The following KIAA1671 variants were observed in gnomAD, a reference collection of about 807,000 sequenced individuals.
KIAA1671 encodes uncharacterized protein KIAA1671.
A neutral mutation model predicts 131.2 loss-of-function variants in KIAA1671; 52 were observed. That is an observed-to-expected ratio of 0.40 (90% CI 0.32 to 0.50). KIAA1671 has a LOEUF of 0.50. KIAA1671 is among the 20% of genes least tolerant of loss of function. The pLI is 0.73. For synonymous variants in KIAA1671, 1,003 were observed against 961.6 expected (o/e 1.04, Z -0.80); for missense variants, 2,360 against 2,364.2 (o/e 1.00, Z 0.04).
At position 25,028,905 on chromosome 22, in the gene KIAA1671, C is replaced by T. The variant is rs1182111401; in HGVS notation, c.906C>T (p.Ala302=). 1.9e-6 allele frequency: 3 copies of T among 1,551,530 alleles called. No homozygotes were observed. The highest frequency in any genetic ancestry group is 1.2e-5 in the South Asian group (1 of 83,996). ...ENKEALLRKV[A]DEGSGPTAGD... ...AAGAGGCCTTGCTGAGGAAGGTGGC[C>T]GATGAAGGAAGTGGACCCACAGCAG... is the stretch of plus-strand genomic sequence containing the variant. The change falls in exon 3 of 13, where the codon GCC becomes GCT. Residue 302 remains alanine, a synonymous_variant. Transcript: ENST00000358431.
chr22:25,118,565 A>G (rs1422791585), intron 6 of KIAA1671, among the ~76,000 whole-genome samples: 1 of 152,122 alleles, frequency 6.6e-6, no homozygotes, highest in African/African-American at 2.4e-5. Flanking sequence ...TGCTGGGATT[A>G]CAGACGTGAG....
chr22:24,978,294 C>T (rs1319202274), intron 1 of KIAA1671, among the ~76,000 whole-genome samples: 1 of 152,148 alleles, frequency 6.6e-6, no homozygotes, highest in Non-Finnish European at 1.5e-5. Context: ...GGTGTTTCTG[C>T]TTTTGCCTCT....
At chr22:25,108,258 G>C (rs1931133031) in intron 6 of KIAA1671, among the ~76,000 whole-genome samples, 1 of 152,112 alleles carries the variant, frequency 6.6e-6, no homozygotes, top group Admixed American at 6.6e-5. Context: ...TCCTCCTGAG[G>C]ACCCCAGTGG....
At chr22:25,066,445 G>A (rs766248650) in intron 6 of KIAA1671, among the ~76,000 whole-genome samples, 4 of 152,158 alleles carry the variant, frequency 2.6e-5, no homozygotes, top group Non-Finnish European at 5.9e-5. Flanking sequence ...CACCATGCCT[G>A]ACCTCAAGCC....
At chr22:25,191,040 G>T (rs906435888) in intron 12 of KIAA1671, among the ~76,000 whole-genome samples, 1 of 152,092 alleles carries the variant, frequency 6.6e-6, no homozygotes, top group South Asian at 2.1e-4. Context: ...GGTGACTGGG[G>T]CTCTGGTCTC....
intron 6 of KIAA1671, among the ~76,000 whole-genome samples, chr22:25,091,590 T>A (rs1930032695): frequency 6.6e-6 from 1 of 152,180 alleles, no homozygotes; most frequent in Non-Finnish European, 1.5e-5. Flanking sequence ...AACATTTCCT[T>A]TAGAAATTTC....
intron 6 of KIAA1671, chr22:25,103,000 G>C (rs1302648773): frequency 3.3e-5 from 5 of 152,548 alleles, no homozygotes; most frequent in African/African-American, 9.7e-5. Context: ...TTGTCTCCAG[G>C]CCAGTCGACA....
Position 25,086,645 on chromosome 22 carries a change from C to G in KIAA1671, c.4530+37281C>G, listed in dbSNP as rs1389368104. Among the ~76,000 whole-genome samples the G allele has an allele frequency of 4.6e-5, 7 of 152,164 alleles. No homozygotes were observed. The East Asian group carries it at 5.8e-4, about 13-fold the overall frequency. Reference sequence around the variant, plus strand: ...CTCGCCCATCTCCATCTGCCCCGTCCCATCCACCCAACCCCACTGCAGACT... The same window carrying G: ...CTCGCCCATCTCCATCTGCCCCGTCGCATCCACCCAACCCCACTGCAGACT... On this transcript the variant is annotated intron_variant, in intron 6 of 12. Transcript: ENST00000358431.
intron 6 of KIAA1671, among the ~76,000 whole-genome samples, chr22:25,116,952 C>T (rs183540011): frequency 1.3e-5 from 2 of 152,282 alleles, no homozygotes; most frequent in East Asian, 1.9e-4. Context: ...AGTTTCTCAG[C>T]CTCAGCTCTA....
intron 1 of KIAA1671, among the ~76,000 whole-genome samples, chr22:24,956,024 CA>C (rs1167493018): frequency 9.1e-3 from 471 of 51,892 alleles, no homozygotes; most frequent in African/African-American, 0.025. Context: ...GACTCCGTCT[CA>C]AAAAAAAAAA....
chr22:25,149,507 C>G (rs1381411174), intron 6 of KIAA1671, among the ~76,000 whole-genome samples: 1 of 152,192 alleles, frequency 6.6e-6, no homozygotes, highest in Non-Finnish European at 1.5e-5. Flanking sequence ...TAGAGCTCTC[C>G]TTCCTGCCCT....
At chr22:25,043,070 G>C (rs1927035993) in intron 5 of KIAA1671, among the ~76,000 whole-genome samples, 1 of 134,536 alleles carries the variant, frequency 7.4e-6, no homozygotes, top group Non-Finnish European at 1.5e-5. Flanking sequence ...CCTTTGTTCA[G>C]TGAAGAACAG....
chr22:25,124,252 G>T (rs12160424), intron 6 of KIAA1671, among the ~76,000 whole-genome samples: 1 of 152,228 alleles, frequency 6.6e-6, no homozygotes, highest in African/African-American at 2.4e-5. Context: ...AGCAGCGACC[G>T]CTATGCAGAG....
intron 6 of KIAA1671, among the ~76,000 whole-genome samples, chr22:25,128,541 G>A (rs917376620): frequency 6.6e-6 from 1 of 152,166 alleles, no homozygotes; most frequent in African/African-American, 2.4e-5. Flanking sequence ...GACTACAGAA[G>A]ACTGTGGGTC....
At chr22:25,051,584 T>A (rs2145822492) in intron 6 of KIAA1671, 1 of 152,438 alleles carries the variant, frequency 6.6e-6, no homozygotes, top group East Asian at 1.9e-4. Context: ...TACTTTCCCT[T>A]CCCTTTCTCA....
intron 11 of KIAA1671, among the ~76,000 whole-genome samples, chr22:25,189,466 C>G (rs929238325): frequency 6.6e-6 from 1 of 151,956 alleles, no homozygotes; most frequent in African/African-American, 2.4e-5. Context: ...AGCCACCGTG[C>G]CTGGCGAGGC....
intron 8 of KIAA1671, chr22:25,177,009 T>C (rs948512406): frequency 7.3e-6 from 2 of 274,882 alleles, no homozygotes; most frequent in Non-Finnish European, 6.9e-6. Flanking sequence ...TGTGTACTGA[T>C]CATTGCTGTA....
intron 3 of KIAA1671, among the ~76,000 whole-genome samples, chr22:25,031,193 ATTTTTTTTTTT>A (rs58221822): frequency 1.8e-5 from 2 of 113,346 alleles, no homozygotes; most frequent in South Asian, 3.1e-4. Flanking sequence ...CACCCAGCTA[ATTTTTTTTTTT>A]TTTTTTTTTT....
chr22:25,028,985 G>C lies in KIAA1671; in HGVS notation c.986G>C (p.Cys329Ser). The change falls in exon 3 of 13, where the codon TGT becomes TCT. Residue 329 changes from cysteine to serine, a missense_variant. Around this residue, in one of 3 missense-constraint regions of KIAA1671, gnomAD observed 1,185 missense variants for 1,126.2 expected, o/e 1.05. Coordinates refer to ENST00000358431, the MANE Select transcript of KIAA1671 (RefSeq NM_001145206.2). Reference protein sequence around the residue: ...PRAASKLDRDCLVKAEAPLHD... With the variant: ...PRAASKLDRDSLVKAEAPLHD... ...GCAGCGTCCAAGCTGGACAGGGACT[G>C]TTTGGTCAAGGCGGAGGCTCCTCTT... 2.6e-6 allele frequency: 4 copies of C among 1,529,664 alleles called. No homozygotes were observed. Among genetic ancestry groups the C allele is most frequent in the Non-Finnish European group, 3.5e-6 (4 of 1,137,052 alleles). 94.8% of individuals were successfully genotyped at this position (1,529,664 alleles called of 1,614,324 possible). A position where few individuals can be genotyped will look rare whatever the true frequency, so the allele number is the denominator to read the frequency against.
Sources: gnomAD v4.1 joint callset for allele counts (sites outside exome capture counted in the v4.1 genomes callset) on GRCh38, gnomAD v4.1.1 for gene constraint, gnomAD v4.1.1 regional missense constraint, MANE v1.5 for transcripts, NCBI Gene and HGNC (gene_info 2026-07-23, HGNC 2026-07-21) for gene names.